PRLR: variants seen among roughly 807,000 people sequenced by gnomAD.
PRLR encodes the protein prolactin receptor, also known as hPRL receptor.
A neutral mutation model predicts 40.2 loss-of-function variants in PRLR; 13 were observed. The observed-to-expected ratio is 0.32, with a 90% CI of 0.21 to 0.51. The LOEUF is 0.51. PRLR is among the 20% of genes least tolerant of loss of function. The pLI is 0.97. For missense variants in PRLR, 656 were observed against 747.3 expected (o/e 0.88, Z 1.42); for synonymous variants, 269 against 278.7 (o/e 0.97, Z 0.35).
chr5:35,137,087 T>C (rs1020541153), intron 1 of PRLR, among the ~76,000 whole-genome samples: 1 of 152,200 alleles, frequency 6.6e-6, no homozygotes, highest in Non-Finnish European at 1.5e-5. Flanking sequence ...CAGAATACTA[T>C]CAGCAAACGT....
Position 35,116,698 on chromosome 5 carries a change from C to T in PRLR, c.-44+1363G>A, listed in dbSNP as rs942981364. On this transcript the variant is annotated intron_variant, in intron 2 of 9. Coordinates refer to ENST00000618457, the MANE Select transcript of PRLR (RefSeq NM_000949.7). ...AAAGCACAGAGAAGTCTGAATGGGT[C>T]GATTCACCACTTCCAATGTTACCAG... 2.6e-5 allele frequency among the ~76,000 whole-genome samples: 4 copies of T among 152,128 alleles called. No homozygotes were observed. The East Asian group carries it at 5.8e-4, about 22-fold the overall frequency.
chr5:35,065,384 G>C lies in PRLR; in HGVS notation c.1574C>G (p.Pro525Arg). The C allele has an allele frequency of 6.2e-7, 1 of 1,614,088 alleles. No homozygotes were observed. Among genetic ancestry groups the C allele is most frequent in the Non-Finnish European group, 8.5e-7 (1 of 1,180,012 alleles). ...VNKDGALSLL[P>R]KQRENSGKPK... ...CTTGCCGCTGTTCTCTCTCTGTTTTGGTAGCAATGATAATGCACCATCTTT... is the reference window on the plus strand; with the variant it reads ...CTTGCCGCTGTTCTCTCTCTGTTTTCGTAGCAATGATAATGCACCATCTTT... The change falls in exon 10 of 10, where the codon CCA (proline) becomes CGA (arginine). Residue 525 changes from proline (P) to arginine (R), a missense_variant. By Grantham distance (103) the Pro-to-Arg change is moderately radical. Coordinates refer to ENST00000618457, the MANE Select transcript of PRLR (RefSeq NM_000949.7).
At chr5:35,105,281 GA>G (rs1772161978) in intron 2 of PRLR, among the ~76,000 whole-genome samples, 1 of 152,232 alleles carries the variant, frequency 6.6e-6, no homozygotes, top group African/African-American at 2.4e-5. Context: ...AACCAGAGCA[GA>G]AAAGCTGAAA....
At position 35,211,546 on chromosome 5, in the gene PRLR, T is replaced by C. The variant is rs181914421; in HGVS notation, c.-106+18722A>G. Among the ~76,000 whole-genome samples, 20 of 152,322 alleles carry C rather than the reference T, an allele frequency of 1.3e-4. No individual in the cohort carries two copies. The East Asian group carries it at 3.9e-3, about 29-fold the overall frequency. On this transcript the variant is annotated intron_variant, in intron 1 of 9. Coordinates refer to ENST00000618457, the MANE Select transcript of PRLR (RefSeq NM_000949.7). ...CAGATAGGGACAGGATAAATAGACT[T>C]ACTTCCCAATACCATAATAATGTAA... is the stretch of plus-strand genomic sequence containing the variant.
intron 1 of PRLR, among the ~76,000 whole-genome samples, chr5:35,220,107 C>T (rs1158054769): frequency 6.6e-6 from 1 of 152,164 alleles, no homozygotes; most frequent in Non-Finnish European, 1.5e-5. Flanking sequence ...AAGCCATTCT[C>T]CACACAGAAG....
Position 35,057,681 on chromosome 5 carries a change from A to G in PRLR, c.*7408T>C, listed in dbSNP as rs1424915604. ...TGGAAAACAGAGAGCACAATGTGCC[A>G]TAAGCAAAGATTTACAGAATGAAAA... On this transcript the variant is annotated 3_prime_UTR_variant, in exon 10 of 10. Coordinates refer to ENST00000618457, the MANE Select transcript of PRLR (RefSeq NM_000949.7). 6.6e-6 allele frequency: 1 copy of G among 152,222 alleles called. No homozygotes were observed. Among genetic ancestry groups the G allele is most frequent in the African/African-American group, 2.4e-5 (1 of 41,458 alleles). 9.4% of individuals were successfully genotyped at this position (152,222 alleles called of 1,614,324 possible). A position where few individuals can be genotyped will look rare whatever the true frequency, so the allele number is the denominator to read the frequency against.
chr5:35,195,444 G>A (rs181228370), intron 1 of PRLR: 1 of 152,344 alleles, frequency 6.6e-6, no homozygotes, highest in Admixed American at 6.5e-5. Flanking sequence ...CACCACTGAT[G>A]CCCCAAACAC....
At position 35,072,661 on chromosome 5, in the gene PRLR, G is replaced by C. The variant is rs755319361; in HGVS notation, c.457C>G (p.Pro153Ala). The change falls in exon 6 of 10, where the codon CCA becomes GCA. Residue 153 changes from proline to alanine, a missense_variant. Physicochemically the swap from Pro to Ala is conservative, Grantham distance 27. Around this residue, in one of 3 missense-constraint regions of PRLR, gnomAD observed 180 missense variants for 236.8 expected, o/e 0.76. Coordinates refer to ENST00000618457, the MANE Select transcript of PRLR (RefSeq NM_000949.7). ...GTTTTTAAGTCAATCAGGGTAGGTG[G>C]AGACCATTTAATCCACAGGTAGGGT... ...RKPYLWIKWSPPTLIDLKTGW... is the reference protein window; with the variant it reads ...RKPYLWIKWSAPTLIDLKTGW... 1 of 1,614,146 alleles carries C rather than the reference G, an allele frequency of 6.2e-7. No homozygotes were observed. The highest frequency in any genetic ancestry group is 8.5e-7 in the Non-Finnish European group (1 of 1,180,016).
At chr5:35,167,824 A>G (rs1053413048) in intron 1 of PRLR, among the ~76,000 whole-genome samples, 3 of 151,688 alleles carry the variant, frequency 2.0e-5, no homozygotes, top group Non-Finnish European at 4.4e-5. Context: ...AGATAAATGA[A>G]AATGTTTTAA....
intron 2 of PRLR, among the ~76,000 whole-genome samples, chr5:35,100,852 A>G (rs1260925570): frequency 6.6e-6 from 1 of 152,198 alleles, no homozygotes; most frequent in Non-Finnish European, 1.5e-5. Context: ...AGCTCAGTAC[A>G]GCCAACAGAT....
intron 5 of PRLR, among the ~76,000 whole-genome samples, chr5:35,076,038 C>T (rs759628985): frequency 9.9e-5 from 15 of 152,132 alleles, no homozygotes; most frequent in Non-Finnish European, 1.3e-4. Flanking sequence ...CCCATCTGTA[C>T]GTCACCATCA....
At chr5:35,173,396 G>A (rs1035749101) in intron 1 of PRLR, among the ~76,000 whole-genome samples, 1 of 152,158 alleles carries the variant, frequency 6.6e-6, no homozygotes, top group African/African-American at 2.4e-5. Context: ...CTCTTCCTCA[G>A]CCTTGATCTT....
At position 35,078,863 on chromosome 5, in the gene PRLR, A is replaced by G. The variant is rs2112432580; in HGVS notation, c.373+5607T>C. Among the ~76,000 whole-genome samples the G allele has an allele frequency of 1.3e-5, 2 of 152,324 alleles. 1 individual carries two copies. The highest frequency in any genetic ancestry group is 4.8e-5 in the African/African-American group (2 of 41,570). On this transcript the variant is annotated intron_variant, in intron 5 of 9. Coordinates refer to ENST00000618457, the MANE Select transcript of PRLR (RefSeq NM_000949.7). ...CAAATCAAAAAGCTTATCCACCATG[A>G]TCAAGTAGGCTTCATCCCTGGGATG...
chr5:35,170,497 T>TA (rs1402407294), intron 1 of PRLR, among the ~76,000 whole-genome samples: 1 of 151,868 alleles, frequency 6.6e-6, no homozygotes, highest in African/African-American at 2.4e-5. Context: ...TCTACAAAAA[T>TA]AAAAAAATAA....
At chr5:35,066,805 C>T (rs1349870697) in intron 9 of PRLR, among the ~76,000 whole-genome samples, 1 of 148,300 alleles carries the variant, frequency 6.7e-6, no homozygotes, top group Non-Finnish European at 1.5e-5. Context: ...GCTCTGTTGC[C>T]CAGGCTGGAG....
intron 1 of PRLR, among the ~76,000 whole-genome samples, chr5:35,173,451 A>G (rs1775057608): frequency 6.6e-6 from 1 of 152,190 alleles, no homozygotes. Flanking sequence ...AAGTCAAAGC[A>G]GGTCTTCAGG....
At chr5:35,188,032 C>G (rs1191334893) in intron 1 of PRLR, among the ~76,000 whole-genome samples, 1 of 152,188 alleles carries the variant, frequency 6.6e-6, no homozygotes, top group Non-Finnish European at 1.5e-5. Flanking sequence ...CTCAATTTAA[C>G]TTTGGCCTAT....
intron 1 of PRLR, among the ~76,000 whole-genome samples, chr5:35,227,862 A>C (rs1776589975): frequency 6.6e-6 from 1 of 152,202 alleles, no homozygotes; most frequent in Admixed American, 6.5e-5. Flanking sequence ...CAGGCACAGC[A>C]CTAGCTGTTT....
At chr5:35,128,371 A>G (rs1308694783) in intron 1 of PRLR, among the ~76,000 whole-genome samples, 1 of 151,224 alleles carries the variant, frequency 6.6e-6, no homozygotes, top group Non-Finnish European at 1.5e-5. Flanking sequence ...GTATTTACAT[A>G]AGACCTATTC....
Sources: gnomAD v4.1 joint callset for allele counts (sites outside exome capture counted in the v4.1 genomes callset) on GRCh38, gnomAD v4.1.1 for gene constraint, gnomAD v4.1.1 regional missense constraint, MANE v1.5 for transcripts, NCBI Gene and HGNC (gene_info 2026-07-23, HGNC 2026-07-21) for gene names.